Variants in MSR1 observed in about 807,000 individuals in gnomAD.
MSR1 encodes macrophage scavenger receptor 1.
MSR1 carries 53 observed loss-of-function variants against 47.2 expected under a neutral mutation model. That is an observed-to-expected ratio of 1.12 (90% confidence interval 0.90 to 1.41). The LOEUF is 1.41. Ranked by LOEUF, MSR1 falls within the 40% of genes most tolerant of loss-of-function variation. MSR1 has a pLI of 0.00. For missense variants in MSR1, 786 were observed against 546.9 expected, an observed-to-expected ratio of 1.44 and a Z score of -4.36; for synonymous variants, 239 against 185.6, an observed-to-expected ratio of 1.29 and a Z score of -2.34.
intron 8 of MSR1, chr8:16,139,321 A>G (rs1420313101): frequency 4.1e-6 from 4 of 980,356 alleles, no homozygotes; most frequent in Non-Finnish European, 4.8e-6. Context: ...CATACCTTAC[A>G]TCTTTAAAGG....
At position 16,186,056 on chromosome 8, in the gene MSR1, T is replaced by C. The variant is rs1480697819; in HGVS notation, c.-5+6542A>G. On this transcript the variant is annotated intron_variant, in intron 1 of 9. Transcript: ENST00000262101. ...TGCCACATAGAATTTAAGTTGTTTT[T>C]CCTGTGTGGTAGAAGCAGAAATAAA... The C allele has an allele frequency of 3.9e-6, 4 of 1,022,500 alleles. No individual in the cohort carries two copies. The African/African-American group carries it at 6.6e-5, about 17-fold the overall frequency. 63.3% of individuals were successfully genotyped at this position (1,022,500 alleles called of 1,614,324 possible).
intron 3 of MSR1, among the ~76,000 whole-genome samples, chr8:16,172,176 A>G (rs564957819): frequency 1.3e-5 from 2 of 152,292 alleles, no homozygotes; most frequent in South Asian, 4.1e-4. Context: ...GCTCAACCAT[A>G]TACTTTTACT....
intron 1 of MSR1, among the ~76,000 whole-genome samples, chr8:16,178,581 T>G (rs1264924207): frequency 1.3e-5 from 2 of 152,196 alleles, no homozygotes; most frequent in African/African-American, 4.8e-5. Context: ...GCATGTGTCT[T>G]TATACCAGCA....
At chr8:16,121,478 A>G (rs1369914387) in intron 8 of MSR1, among the ~76,000 whole-genome samples, 1 of 152,038 alleles carries the variant, frequency 6.6e-6, no homozygotes, top group Non-Finnish European at 1.5e-5. Flanking sequence ...CAGATTAAAT[A>G]AAATAGTGCA....
chr8:16,188,078 G>A (rs1802054910), intron 1 of MSR1, among the ~76,000 whole-genome samples: 1 of 152,134 alleles, frequency 6.6e-6, no homozygotes, highest in Admixed American at 6.5e-5. Flanking sequence ...AAATGTCAGT[G>A]TGCTGATAAA....
chr8:16,125,633 C>T (rs1800111226), intron 8 of MSR1, among the ~76,000 whole-genome samples: 1 of 152,040 alleles, frequency 6.6e-6, no homozygotes, highest in Non-Finnish European at 1.5e-5. Context: ...ATAGTACATA[C>T]ATATGTAGTA....
At chr8:16,181,470 TA>T (rs1296545956) in intron 1 of MSR1, among the ~76,000 whole-genome samples, 1 of 152,020 alleles carries the variant, frequency 6.6e-6, no homozygotes, top group South Asian at 2.1e-4. Flanking sequence ...TATGCAGCCA[TA>T]AAAAAGAGTG....
At chr8:16,132,733 C>T (rs1339154097) in intron 8 of MSR1, among the ~76,000 whole-genome samples, 2 of 152,132 alleles carry the variant, frequency 1.3e-5, no homozygotes, top group African/African-American at 2.4e-5. Flanking sequence ...GATCTTCCCA[C>T]TGCAGCCTCC....
intron 1 of MSR1, among the ~76,000 whole-genome samples, chr8:16,178,452 G>C (rs1801726318): frequency 6.6e-6 from 1 of 152,054 alleles, no homozygotes; most frequent in South Asian, 2.1e-4. Flanking sequence ...TTTTGTGGCT[G>C]CATAGTACTC....
rs1164354547 is a variant in MSR1, at chr8:16,120,473, C to A, written c.1167G>T (p.Arg389Ser). ...CTTGAACACCTGGGTATCCCAAGCTCCTACAGACGACCTGTCCAACGCGCA... is the reference window on the plus strand; with the variant it reads ...CTTGAACACCTGGGTATCCCAAGCTACTACAGACGACCTGTCCAACGCGCA... ...WEVRVGQVVC[R>S]SLGYPGVQAV... is the part of the protein sequence containing the mutation. Residue 389 changes from arginine (R) to serine (S), a missense_variant, in exon 9 of 10, where the codon AGG becomes AGT. By Grantham distance (110) the Arg-to-Ser change is moderately radical (BLOSUM62 -1). Transcript: ENST00000262101. 1.2e-6 allele frequency: 2 copies of A among 1,613,948 alleles called. No individual in the cohort carries two copies. Among genetic ancestry groups the A allele is most frequent in the South Asian group, 2.2e-5 (2 of 91,064 alleles).
At chr8:16,182,379 TA>T (rs1310015434) in intron 1 of MSR1, among the ~76,000 whole-genome samples, 1 of 152,124 alleles carries the variant, frequency 6.6e-6, no homozygotes, top group South Asian at 2.1e-4. Flanking sequence ...ACTGAATGTA[TA>T]AAAAATTTTA....
chr8:16,125,274 G>A (rs1358499661), intron 8 of MSR1, among the ~76,000 whole-genome samples: 1 of 152,112 alleles, frequency 6.6e-6, no homozygotes, highest in Non-Finnish European at 1.5e-5. Flanking sequence ...GCTTGACAAG[G>A]CCACTTTCTC....
Position 16,168,732 on chromosome 8 carries a change from C to T in MSR1, c.356G>A (p.Ser119Asn), listed in dbSNP as rs1020997597. ...ATGCTGGATTCTCTTCTCCATGTTGCTCATGTGTTCCATAAAGACTTCTTG... is the reference window on the plus strand; with the variant it reads ...ATGCTGGATTCTCTTCTCCATGTTGTTCATGTGTTCCATAAAGACTTCTTG... ...RFQEVFMEHM[S>N]NMEKRIQHIL... The change falls in exon 4 of 10, where the codon AGC (serine) becomes AAC (asparagine). Residue 119 changes from serine (S) to asparagine (N), a missense_variant. Ser to Asn is a conservative substitution (Grantham distance 46). Transcript: ENST00000262101. 1.9e-6 allele frequency: 3 copies of T among 1,614,032 alleles called. No homozygotes were observed. Among genetic ancestry groups the T allele is most frequent in the Non-Finnish European group, 2.5e-6 (3 of 1,180,028 alleles).
intron 3 of MSR1, among the ~76,000 whole-genome samples, chr8:16,172,798 T>C (rs961820028): frequency 6.6e-6 from 1 of 152,158 alleles, no homozygotes; most frequent in East Asian, 1.9e-4. Context: ...ATAAACCTTA[T>C]AATTAAGAAA....
intron 4 of MSR1, among the ~76,000 whole-genome samples, chr8:16,165,821 C>T (rs1341415713): frequency 6.6e-6 from 1 of 152,102 alleles, no homozygotes; most frequent in South Asian, 2.1e-4. Flanking sequence ...GAGAGACTTA[C>T]CAGCTTTTAT....
Position 16,142,586 on chromosome 8 carries a change from T to C in MSR1, c.1033+972A>G, listed in dbSNP as rs546706453. Among the ~76,000 whole-genome samples, 6 of 152,298 alleles carry C rather than the reference T, an allele frequency of 3.9e-5. No individual in the cohort carries two copies. In the East Asian group the frequency reaches 9.6e-4, roughly 24 times the overall value. ...ATTCACAACCATGCCCTACTTTGTC[T>C]AAATATGTCATACCTACACAATATT... On this transcript the variant is annotated intron_variant, in intron 8 of 9. Coordinates refer to ENST00000262101, the MANE Select transcript of MSR1 (RefSeq NM_138715.3).
intron 5 of MSR1, among the ~76,000 whole-genome samples, chr8:16,155,372 A>G (rs946682738): frequency 6.6e-6 from 1 of 152,040 alleles, no homozygotes; most frequent in African/African-American, 2.4e-5. Context: ...ACCTAACAGT[A>G]TATTAAATGT....
chr8:16,143,830 C>G (rs951655945), intron 7 of MSR1, among the ~76,000 whole-genome samples: 1 of 152,028 alleles, frequency 6.6e-6, no homozygotes. Flanking sequence ...TTACAAGGCC[C>G]TAAATGCCCC....
intron 3 of MSR1, among the ~76,000 whole-genome samples, chr8:16,173,043 A>G (rs889918936): frequency 6.6e-6 from 1 of 152,206 alleles, no homozygotes; most frequent in Admixed American, 6.5e-5. Context: ...GTTAATACAT[A>G]ATAAACATAG....
Sources: allele counts gnomAD v4.1 joint callset (sites outside exome capture counted in the v4.1 genomes callset), GRCh38; gene constraint gnomAD v4.1.1; transcripts MANE v1.5; gene names NCBI Gene and HGNC (gene_info 2026-07-23, HGNC 2026-07-21).